The following CDH20 variants were observed in gnomAD, a reference collection of about 807,000 sequenced individuals.
CDH20 encodes cadherin-20.
CDH20 carries 29 observed loss-of-function variants against 74.2 expected under a neutral mutation model. That is an observed-to-expected ratio of 0.39 (90% CI 0.29 to 0.53). CDH20 has a LOEUF of 0.53. Among genes scored for constraint, CDH20 ranks in the 20% least tolerant of loss-of-function variants. CDH20 has a pLI of 0.69. For missense variants in CDH20, 988 were observed against 1,048.3 expected (o/e 0.94, Z 0.79); for synonymous variants, 469 against 405.4 (o/e 1.16, Z -1.88).
intron 2 of CDH20, among the ~76,000 whole-genome samples, chr18:61,495,438 C>T (rs925689267): frequency 2.5e-4 from 38 of 152,312 alleles, no homozygotes; most frequent in African/African-American, 8.2e-4. Flanking sequence ...CTCTCCAAGC[C>T]GTAATTTCTC....
rs992982978 is a variant in CDH20, at chr18:61,528,125, C to T, written c.1176C>T (p.Gly392=). The T allele has an allele frequency of 6.2e-7, 1 of 1,614,020 alleles. No homozygotes were observed. Among genetic ancestry groups the T allele is most frequent in the Admixed American group, 1.7e-5 (1 of 60,000 alleles). ...DVDEPPVFEP[G]FYFVEVPEDV... Reference sequence around the variant, plus strand: ...ACGAGCCCCCTGTGTTTGAACCTGGCTTTTACTTTGTGGAGGTGCCTGAGG... The same window carrying T: ...ACGAGCCCCCTGTGTTTGAACCTGGTTTTTACTTTGTGGAGGTGCCTGAGG... The change falls in exon 7 of 12, where the codon GGC becomes GGT. Residue 392 remains glycine, a synonymous_variant. Transcript: ENST00000262717.
At chr18:61,333,885 G>C (rs891991872) in intron 1 of CDH20, 58 bp downstream of exon 1, 6 of 152,264 alleles carry the variant, frequency 3.9e-5, no homozygotes, top group Non-Finnish European at 5.9e-5. Flanking sequence ...CCGGGCGCGC[G>C]GAGCCAGCCC....
intron 1 of CDH20, among the ~76,000 whole-genome samples, chr18:61,441,453 C>T (rs1876928401): frequency 1.3e-5 from 2 of 152,100 alleles, no homozygotes; most frequent in Admixed American, 1.3e-4. Flanking sequence ...CTTCAGAAAG[C>T]ACCAAATTAA....
rs566970136 is a variant in CDH20, at chr18:61,353,562, T to C, written c.-153+19735T>C. The stretch of plus-strand genomic sequence containing the variant: ...TTACTTGCTTTTGAATATCCGACAG[T>C]GTGTATCACAGTGCTTTGCACATAT... On this transcript the variant is annotated intron_variant, in intron 1 of 11. Transcript: ENST00000262717. This position sits in a 1 kb window ranked among gnomAD's most constrained non-coding sequence, Gnocchi z 4.6. 1.5e-4 allele frequency among the ~76,000 whole-genome samples: 23 copies of C among 152,372 alleles called. No homozygotes were observed. Among genetic ancestry groups the C allele is most frequent in the African/African-American group, 5.0e-4 (21 of 41,590 alleles).
Position 61,550,184 on chromosome 18 carries a change from C to T in CDH20, c.1855C>T (p.Arg619Trp), listed in dbSNP as rs772433328. 10 of 1,613,942 alleles carry T rather than the reference C, an allele frequency of 6.2e-6. No individual in the cohort carries two copies. The highest frequency in any genetic ancestry group is 3.3e-4 in the Middle Eastern group (2 of 6,084). The change falls in exon 11 of 12, where the codon CGG becomes TGG. Residue 619 changes from arginine (R) to tryptophan (W), a missense_variant. Physicochemically the swap from Arg to Trp is moderately radical, Grantham distance 101. Transcript: ENST00000262717. ...EAYMLPVSLSRGALIAILACI... is the reference protein window; with the variant it reads ...EAYMLPVSLSWGALIAILACI... ...CTACATGCTCCCAGTCAGTTTGAGC[C>T]GGGGCGCCCTCATTGCCATCCTCGC...
chr18:61,354,637 G>GTT lies in CDH20; in HGVS notation c.-153+20817_-153+20818dup, dbSNP rs59178864. Reference sequence around the variant, plus strand: ...ATAAATAAATAAATAAAACCCCTAGGTTTTTTTTCAAATGAGTAGCTAAAC... The same window carrying GTT: ...ATAAATAAATAAATAAAACCCCTAGGTTTTTTTTTTCAAATGAGTAGCTAAAC... On this transcript the variant is annotated intron_variant, in intron 1 of 11. Transcript: ENST00000262717. Among the ~76,000 whole-genome samples, 3 of 151,404 alleles carry GTT rather than the reference G, an allele frequency of 2.0e-5. No homozygotes were observed. In the East Asian group the frequency reaches 5.9e-4, roughly 30 times the overall value.
intron 1 of CDH20, among the ~76,000 whole-genome samples, chr18:61,465,066 C>T (rs1909916232): frequency 6.6e-6 from 1 of 152,238 alleles, no homozygotes; most frequent in Non-Finnish European, 1.5e-5. Flanking sequence ...CAAACAACTT[C>T]AGCTCCCAAG....
In CDH20 at chr18:61,555,100, TTTATC is replaced by T. The variant is rs150624614; in HGVS notation, c.*415_*419del. 18,537 of 1,021,092 alleles carry T rather than the reference TTTATC, an allele frequency of 0.018. 209 individuals carry two copies. Among genetic ancestry groups the T allele is most frequent in the South Asian group, 0.03 (667 of 22,582 alleles). 63.3% of individuals were successfully genotyped at this position (1,021,092 alleles called of 1,614,324 possible). On this transcript the variant is annotated 3_prime_UTR_variant, in exon 12 of 12. Transcript: ENST00000262717. Reference sequence around the variant, plus strand: ...GAAAGTTCTACTCTCGTATCTGTTTTTTATCTTATCTTATTCTCCATTTAAGAGTT... The same window carrying T: ...GAAAGTTCTACTCTCGTATCTGTTTTTTATCTTATTCTCCATTTAAGAGTT...
intron 1 of CDH20, among the ~76,000 whole-genome samples, chr18:61,431,929 CT>C (rs1258152534): frequency 1.3e-5 from 2 of 151,914 alleles, no homozygotes; most frequent in Non-Finnish European, 2.9e-5. Flanking sequence ...AACATGAACG[CT>C]TTGTATTTAG....
At chr18:61,495,655 G>A (rs948208975) in intron 2 of CDH20, among the ~76,000 whole-genome samples, 35 of 152,286 alleles carry the variant, frequency 2.3e-4, no homozygotes, top group African/African-American at 8.2e-4. Context: ...GGGGTCTCAG[G>A]CCCAGCCTCA....
intron 9 of CDH20, among the ~76,000 whole-genome samples, chr18:61,544,610 T>G (rs562375804): frequency 5.8e-4 from 88 of 152,276 alleles, no homozygotes; most frequent in African/African-American, 1.7e-3. Context: ...CGGGCTGAAC[T>G]TCCCTTGGCA....
intron 1 of CDH20, among the ~76,000 whole-genome samples, chr18:61,404,671 C>T (rs748057775): frequency 1.1e-4 from 16 of 151,962 alleles, no homozygotes; most frequent in Non-Finnish European, 1.9e-4. Flanking sequence ...ATAACTAGTA[C>T]ATGCTCAATA....
At chr18:61,434,415 C>A (rs1393310833) in intron 1 of CDH20, among the ~76,000 whole-genome samples, 1 of 152,104 alleles carries the variant, frequency 6.6e-6, no homozygotes, top group East Asian at 1.9e-4. Flanking sequence ...CTTCAGAATT[C>A]AGCACAATTA....
At chr18:61,418,280 C>A (rs1176937725) in intron 1 of CDH20, among the ~76,000 whole-genome samples, 1 of 152,066 alleles carries the variant, frequency 6.6e-6, no homozygotes, top group East Asian at 1.9e-4. Flanking sequence ...CCTGGCCGGG[C>A]GTGGTGGCTC....
At chr18:61,401,604 T>C (rs1412023725) in intron 1 of CDH20, among the ~76,000 whole-genome samples, 1 of 152,372 alleles carries the variant, frequency 6.6e-6, no homozygotes, top group Admixed American at 6.5e-5. Context: ...AGGTAGCTGG[T>C]AAGTCTATAA....
rs1913539855 is a variant in CDH20, at chr18:61,554,246, G to A, written c.1957G>A (p.Asp653Asn). 3.1e-6 allele frequency: 5 copies of A among 1,613,960 alleles called. No individual in the cohort carries two copies. The highest frequency in any genetic ancestry group is 1.7e-5 in the Admixed American group (1 of 60,028). ...GCACCGGAAACAACCATACATCATC[G>A]ACGACGAGGAAAACATCCACGAGAA... ...RRHRKQPYII[D>N]DEENIHENIV... is the part of the protein sequence containing the mutation. The change falls in exon 12 of 12, where the codon GAC becomes AAC. Residue 653 changes from aspartate (D) to asparagine (N), a missense_variant. Physicochemically the swap from Asp to Asn is conservative, Grantham distance 23. This residue lies in a region of CDH20 where 375 missense variants were observed against 293.1 expected (regional missense o/e 1.28). Coordinates refer to ENST00000262717, the MANE Select transcript of CDH20 (RefSeq NM_031891.4).
At chr18:61,448,994 G>A (rs544124618) in intron 1 of CDH20, among the ~76,000 whole-genome samples, 2 of 152,158 alleles carry the variant, frequency 1.3e-5, no homozygotes, top group South Asian at 2.1e-4. Context: ...ATGAACACCC[G>A]ACTCCAGGTA....
chr18:61,411,784 G>C (rs985775039), intron 1 of CDH20, among the ~76,000 whole-genome samples: 1 of 152,034 alleles, frequency 6.6e-6, no homozygotes, highest in African/African-American at 2.4e-5. Flanking sequence ...TCATATGTGG[G>C]AACTACGCTA....
chr18:61,360,294 G>A (rs12455506), intron 1 of CDH20, among the ~76,000 whole-genome samples: 21,458 of 152,138 alleles, frequency 0.14, 2,158 homozygotes, highest in East Asian at 0.45. Context: ...CTCATGCCTC[G>A]ACAAGTCAGC....
Sources: gnomAD v4.1 joint callset for allele counts (sites outside exome capture counted in the v4.1 genomes callset) on GRCh38, gnomAD v4.1.1 for gene constraint, gnomAD v4.1.1 regional missense constraint, Gnocchi (gnomAD v3.1) non-coding constraint, MANE v1.5 for transcripts, NCBI Gene and HGNC (gene_info 2026-07-23, HGNC 2026-07-21) for gene names.